The following CAPZB variants were observed in gnomAD, a reference collection of about 807,000 sequenced individuals.
CAPZB encodes F-actin-capping protein subunit beta.
Under a neutral mutation model 38.1 loss-of-function variants are expected in CAPZB, and 2 were observed. The observed-to-expected ratio is 0.05, with a 90% CI of 0.02 to 0.17. The LOEUF (loss-of-function observed/expected upper bound fraction) is 0.17. Among genes scored for constraint, CAPZB ranks in the 10% least tolerant of loss-of-function variants. The pLI, the probability that CAPZB is intolerant of heterozygous loss-of-function variation, is 1.00. For missense variants in CAPZB, 161 were observed against 334.2 expected, an observed-to-expected ratio of 0.48 and a Z score of 4.04; for synonymous variants, 107 against 127.4, an observed-to-expected ratio of 0.84 and a Z score of 1.08.
intron 1 of CAPZB, among the ~76,000 whole-genome samples, chr1:19,461,535 A>C (rs2094551931): frequency 6.6e-6 from 1 of 152,218 alleles, no homozygotes; most frequent in African/African-American, 2.4e-5. Flanking sequence ...GCTGGCTTCC[A>C]CGCATGCTTC....
chr1:19,393,565 G>C (rs1444639431), intron 2 of CAPZB, among the ~76,000 whole-genome samples: 1 of 152,232 alleles, frequency 6.6e-6, no homozygotes. Flanking sequence ...ATTTGAGACT[G>C]ACCCAGCTCT....
rs932723723 is a variant in CAPZB at position 19,357,607 on chromosome 1, G to T, written c.330-44C>A. On this transcript the variant is annotated intron_variant, in intron 4 of 8. Transcript: ENST00000264202. This position sits in a 1 kb window ranked among gnomAD's most constrained non-coding sequence, Gnocchi z 4.3. ...TGTGCCTGTTAGATGCTAAAGGACA[G>T]ATCATCAGCCTGGGTCCCAGGCTGC... is the stretch of plus-strand genomic sequence containing the variant. 5 of 1,607,278 alleles carry T rather than the reference G, an allele frequency of 3.1e-6. No individual in the cohort carries two copies. The Admixed American group carries it at 6.7e-5, about 22-fold the overall frequency.
intron 1 of CAPZB, among the ~76,000 whole-genome samples, chr1:19,431,474 T>C (rs2094441525): frequency 6.6e-6 from 1 of 151,654 alleles, no homozygotes; most frequent in African/African-American, 2.4e-5. Context: ...CCAAGGTGGG[T>C]GGAGATCAGG....
intron 1 of CAPZB, among the ~76,000 whole-genome samples, chr1:19,448,140 G>A (rs1001443075): frequency 6.6e-6 from 1 of 152,196 alleles, no homozygotes; most frequent in African/African-American, 2.4e-5. Flanking sequence ...GCGCATCAAG[G>A]GGCCACAGTC....
chr1:19,431,498 C>G (rs1000686479), intron 1 of CAPZB, among the ~76,000 whole-genome samples: 4 of 151,964 alleles, frequency 2.6e-5, no homozygotes, highest in African/African-American at 4.8e-5. Flanking sequence ...TCAAGACCAT[C>G]TGGCCGAGGT....
intron 1 of CAPZB, among the ~76,000 whole-genome samples, chr1:19,450,407 A>G (rs1470248716): frequency 6.6e-6 from 1 of 152,206 alleles, no homozygotes; most frequent in Admixed American, 6.5e-5. Context: ...CAGTGCTCAC[A>G]AAGTTTTGGG....
chr1:19,348,598 C>T (rs2100267878), intron 6 of CAPZB, among the ~76,000 whole-genome samples: 1 of 152,154 alleles, frequency 6.6e-6, no homozygotes, highest in African/African-American at 2.4e-5. Flanking sequence ...CAACCTATGT[C>T]GCTGTAGATG....
rs1392133589 is a variant in CAPZB, at chr1:19,339,331, T to C, written c.*199A>G. 2 of 625,302 alleles carry C rather than the reference T, an allele frequency of 3.2e-6. No individual in the cohort carries two copies. Among genetic ancestry groups the C allele is most frequent in the Non-Finnish European group, 2.9e-6 (1 of 350,482 alleles). The allele number at this position is 625,302 out of a possible 1,614,324, so 38.7% of individuals were successfully genotyped here. ...TGTGGAGAGAACTGAGAGCGAGGTG[T>C]GGCAGAAGCAGGCTCGGAGCCGGAG... On this transcript the variant is annotated 3_prime_UTR_variant, in exon 9 of 9. Transcript: ENST00000264202.
chr1:19,432,042 CAAAAAAAAAAAAAAAA>C (rs10583269), intron 1 of CAPZB, among the ~76,000 whole-genome samples: 2 of 122,548 alleles, frequency 1.6e-5, no homozygotes, highest in Non-Finnish European at 3.3e-5. Flanking sequence ...GATCCTGTCT[CAAAAAAAAAAAAAAAA>C]AAAAAAAGAA....
chr1:19,437,934 G>C (rs758212423), intron 1 of CAPZB, among the ~76,000 whole-genome samples: 2 of 152,170 alleles, frequency 1.3e-5, no homozygotes, highest in African/African-American at 2.4e-5. Context: ...CCTCTAACAC[G>C]AAGGTGGAAA....
At chr1:19,436,961 G>A (rs776165973) in intron 1 of CAPZB, among the ~76,000 whole-genome samples, 15 of 152,234 alleles carry the variant, frequency 9.9e-5, no homozygotes, top group Admixed American at 4.6e-4. Context: ...GGGACCTGTG[G>A]AGCCTGGATG....
At chr1:19,402,494 A>G (rs1261528847) in intron 2 of CAPZB, among the ~76,000 whole-genome samples, 1 of 152,228 alleles carries the variant, frequency 6.6e-6, no homozygotes, top group Non-Finnish European at 1.5e-5. Context: ...GTGTGCGCCC[A>G]TCACCTGCTT....
intron 1 of CAPZB, among the ~76,000 whole-genome samples, chr1:19,437,875 C>T (rs557432089): frequency 3.9e-5 from 6 of 152,290 alleles, no homozygotes; most frequent in Non-Finnish European, 7.4e-5. Context: ...ATAGAAGGCT[C>T]GGGAGGAGAG....
intron 1 of CAPZB, among the ~76,000 whole-genome samples, chr1:19,481,392 C>T (rs915878574): frequency 1.3e-5 from 2 of 152,178 alleles, no homozygotes; most frequent in Admixed American, 1.3e-4. Context: ...TTACGGGGCC[C>T]TCTGCTCACT....
chr1:19,405,741 A>G (rs912412834), intron 2 of CAPZB, among the ~76,000 whole-genome samples: 1 of 152,130 alleles, frequency 6.6e-6, no homozygotes, highest in African/African-American at 2.4e-5. Context: ...TTTGGCTCCA[A>G]ATCTCTTTTC....
At position 19,383,446 on chromosome 1, in the gene CAPZB, CA is replaced by C. The variant is rs528617668; in HGVS notation, c.215+2058del. On this transcript the variant is annotated intron_variant, in intron 3 of 8. Coordinates refer to ENST00000264202, the MANE Select transcript of CAPZB (RefSeq NM_004930.5). ...TGGACAACAGAGTGAGACTCTGTCT[CA>C]AAAAAAAAAAAAAAAAAAATTAGCT... 5.4e-3 allele frequency among the ~76,000 whole-genome samples: 638 copies of C among 118,048 alleles called. 2 individuals carry two copies. The highest frequency in any genetic ancestry group is 0.017 in the African/African-American group (519 of 30,016). The allele number at this position is 118,048 out of a possible 152,430, so 77.4% of individuals were successfully genotyped here. A position where few individuals can be genotyped will look rare whatever the true frequency, so the allele number is the denominator to read the frequency against.
chr1:19,447,963 T>G (rs1387928805), intron 1 of CAPZB, among the ~76,000 whole-genome samples: 1 of 152,178 alleles, frequency 6.6e-6, no homozygotes, highest in Non-Finnish European at 1.5e-5. Context: ...CTAATAAGCT[T>G]CCGTCAGTGT....
intron 1 of CAPZB, among the ~76,000 whole-genome samples, chr1:19,456,448 G>C (rs1307850059): frequency 1.3e-5 from 2 of 152,188 alleles, no homozygotes; most frequent in African/African-American, 2.4e-5. Flanking sequence ...GTTTCACACA[G>C]AGACTGGTAT....
intron 1 of CAPZB, among the ~76,000 whole-genome samples, chr1:19,471,788 A>AC (rs543062428): frequency 2.1e-5 from 3 of 142,104 alleles, no homozygotes; most frequent in Non-Finnish European, 4.6e-5. Flanking sequence ...AATGGCGTGA[A>AC]CCAGGAGGCA....
Sources: allele counts gnomAD v4.1 joint callset (sites outside exome capture counted in the v4.1 genomes callset), GRCh38; gene constraint gnomAD v4.1.1; non-coding constraint Gnocchi (gnomAD v3.1); transcripts MANE v1.5; gene names NCBI Gene and HGNC (gene_info 2026-07-23, HGNC 2026-07-21).